PPP2R1B: variants seen among roughly 807,000 people sequenced by gnomAD.
PPP2R1B encodes the protein serine/threonine-protein phosphatase 2A 65 kDa regulatory subunit A beta isoform.
In PPP2R1B, 58 loss-of-function variants were observed where a neutral mutation model predicts 72.7. The observed-to-expected ratio is 0.80, with a 90% CI of 0.65 to 0.99. PPP2R1B has a LOEUF of 0.99. Ranked by LOEUF, PPP2R1B falls within the 50% of genes least tolerant of loss-of-function variation. PPP2R1B has a pLI of 0.00. For missense variants in PPP2R1B, 695 were observed against 733.6 expected (o/e 0.95, Z 0.61); for synonymous variants, 256 against 264.6 (o/e 0.97, Z 0.32).
At chr11:111,725,081 G>A (rs1461384569), downstream of PPP2R1B, 1 of 152,634 alleles carries the variant, frequency 6.6e-6, no homozygotes, top group African/African-American at 2.4e-5. Context: ...ATTGAGCTTT[G>A]TATATTTGGA....
At chr11:111,743,689 A>C (rs1944604605) in intron 11 of PPP2R1B, among the ~76,000 whole-genome samples, 159 bp from the exon 12 acceptor site, 1 of 152,210 alleles carries the variant, frequency 6.6e-6, no homozygotes, top group South Asian at 2.1e-4. Context: ...GCTCAGCTCC[A>C]ACTCAGTTTC....
chr11:111,754,441 TGA>T, intron 8 of PPP2R1B, 56 bp downstream of exon 8: 1 of 1,553,460 alleles, frequency 6.4e-7, no homozygotes, highest in Non-Finnish European at 8.6e-7. Context: ...ACAAAAATAA[TGA>T]GATTAAGGTT....
chr11:111,740,080 T>C lies in PPP2R1B; in HGVS notation c.*1516A>G. ...CAGGACTTGTTAGATTTAAAAGAGG[T>C]TGTGAACAAAATCAACAATTCAAAA... On this transcript the variant is annotated 3_prime_UTR_variant, in exon 15 of 15. Transcript: ENST00000527614. 1.0e-6 allele frequency: 1 copy of C among 985,276 alleles called. No homozygotes were observed. Among genetic ancestry groups the C allele is most frequent in the Non-Finnish European group, 1.2e-6 (1 of 829,890 alleles). The allele number at this position is 985,276 out of a possible 1,614,324, so 61.0% of individuals were successfully genotyped here. A position where few individuals can be genotyped will look rare whatever the true frequency, so the allele number is the denominator to read the frequency against.
At chr11:111,709,921 C>T in the PPP2R1B span, among the ~76,000 whole-genome samples, 4 of 152,192 alleles carry the variant, frequency 2.6e-5, no homozygotes, top group African/African-American at 9.6e-5. Flanking sequence ...CCATTTAAAG[C>T]GTCCGAGCTA....
Position 111,754,843 on chromosome 11 carries a change from G to A in PPP2R1B, c.958+137C>T, listed in dbSNP as rs555202846. The A allele has an allele frequency of 4.7e-5, 41 of 869,908 alleles. No homozygotes were observed. In the East Asian group the frequency reaches 9.7e-4, roughly 21 times the overall value. 53.9% of individuals were successfully genotyped at this position (869,908 alleles called of 1,614,324 possible). A position where few individuals can be genotyped will look rare whatever the true frequency, so the allele number is the denominator to read the frequency against. The stretch of plus-strand genomic sequence containing the variant: ...AAAGAGACTATCTTTAAGTGACAAT[G>A]TAACATTTCCACACACTAAAAACAT... On this transcript the variant is annotated intron_variant, in intron 7 of 14. Transcript: ENST00000527614.
the PPP2R1B span, among the ~76,000 whole-genome samples, chr11:111,720,216 G>A: frequency 0.063 from 9,659 of 152,222 alleles, 421 homozygotes; most frequent in Middle Eastern, 0.14. Flanking sequence ...TAGTCCCCAG[G>A]ATTCATCTGG....
At chr11:111,718,850 A>G in the PPP2R1B span, 4 of 152,150 alleles carry the variant, frequency 2.6e-5, no homozygotes, top group African/African-American at 9.7e-5. Flanking sequence ...TCCACGGGGG[A>G]ATAGTTAAGG....
rs2136086400 is a variant in PPP2R1B at position 111,755,011 on chromosome 11, T to G, written c.927A>C (p.Glu309Asp). The change falls in exon 7 of 15, where the codon GAA (glutamate) becomes GAC (aspartate). Residue 309 changes from glutamate to aspartate, a missense_variant. Physicochemically the swap from Glu to Asp is conservative, Grantham distance 45. Coordinates refer to ENST00000527614, the MANE Select transcript of PPP2R1B (RefSeq NM_002716.5). ...FQNLLKDCEA[E>D]VRAAAAHKVK... ...CTTTGTGGGCAGCAGCTGCCCGGAC[T>G]TCAGCTTCACAGTCTTTAAGTAGGT... The G allele has an allele frequency of 6.2e-7, 1 of 1,613,970 alleles. No homozygotes were observed. The highest frequency in any genetic ancestry group is 8.5e-7 in the Non-Finnish European group (1 of 1,179,834).
rs181444629 is a variant in PPP2R1B at position 111,756,798 on chromosome 11, A to G, written c.688-1348T>C. Among the ~76,000 whole-genome samples the G allele has an allele frequency of 7.3e-3, 1,118 of 152,312 alleles. 8 individuals carry two copies. The highest frequency in any genetic ancestry group is 0.054 in the Middle Eastern group (16 of 294). ...TCAACGTGACACCTACGTCCTTTGA[A>G]CAAGTGGAAAATATACAAGACAAAT... On this transcript the variant is annotated intron_variant, in intron 5 of 14. Transcript: ENST00000527614.
At chr11:111,712,379 C>T in the PPP2R1B span, 2 of 1,611,938 alleles carry the variant, frequency 1.2e-6, no homozygotes, top group East Asian at 2.2e-5. Context: ...TCCAAAGGTA[C>T]GGCTATGTTT....
At chr11:111,737,435 T>C, downstream of PPP2R1B, 1 of 1,614,218 alleles carries the variant, frequency 6.2e-7, no homozygotes, top group Admixed American at 1.7e-5. Context: ...ACCCCAGGCT[T>C]CCGGGCACTT....
At chr11:111,696,631 A>T in the PPP2R1B span, among the ~76,000 whole-genome samples, 1 of 152,218 alleles carries the variant, frequency 6.6e-6, no homozygotes, top group Non-Finnish European at 1.5e-5. Context: ...GCTGGATCTG[A>T]GTCTGGTAGA....
At chr11:111,704,710 G>A in the PPP2R1B span, among the ~76,000 whole-genome samples, 1 of 152,126 alleles carries the variant, frequency 6.6e-6, no homozygotes, top group African/African-American at 2.4e-5. Context: ...GACAATGATG[G>A]CATTTTCTCT....
rs1210892249 is a variant in PPP2R1B, at chr11:111,759,886, C to CTT, written c.604_605insAA (p.Gly202GlufsTer10). On this transcript the variant is annotated frameshift_variant, in exon 5 of 15. Coordinates refer to ENST00000527614, the MANE Select transcript of PPP2R1B (RefSeq NM_002716.5). LOFTEE classifies it high-confidence loss of function. Reference sequence around the variant, plus strand: ...TAATTCCAAAACTTTTGCAAATTCACCCAATTTGGAAGCAGCAGCACGTCG... The same window carrying CTT: ...TAATTCCAAAACTTTTGCAAATTCACTTCCAATTTGGAAGCAGCAGCACGTCG... 11 of 1,613,992 alleles carry CTT rather than the reference C, an allele frequency of 6.8e-6. No homozygotes were observed. In the African/African-American group the frequency reaches 1.5e-4, roughly 22 times the overall value.
chr11:111,698,264 G>A, the PPP2R1B span, among the ~76,000 whole-genome samples: 3 of 152,214 alleles, frequency 2.0e-5, no homozygotes, highest in Non-Finnish European at 2.9e-5. Flanking sequence ...GCTACCACGG[G>A]TCCAGAGAAG....
intron 1 of PPP2R1B, chr11:111,765,929 G>A (rs1311303710): frequency 3.9e-6 from 2 of 519,100 alleles, no homozygotes; most frequent in Non-Finnish European, 7.5e-6. Context: ...CTGCTCCCTC[G>A]CCCAAGAGAC....
the PPP2R1B span, chr11:111,703,272 A>G: frequency 1.2e-6 from 2 of 1,614,194 alleles, no homozygotes; most frequent in East Asian, 2.2e-5. Flanking sequence ...GCCCAAATCA[A>G]GGAGCATAAA....
At chr11:111,762,251 T>C (rs1268251048) in intron 3 of PPP2R1B, among the ~76,000 whole-genome samples, 1 of 152,150 alleles carries the variant, frequency 6.6e-6, no homozygotes, top group Non-Finnish European at 1.5e-5. Flanking sequence ...AAGAAGTGTG[T>C]CTAATAATAT....
rs1944390787 is a variant in PPP2R1B, at chr11:111,738,039, G to A, written c.*3557C>T. The A allele has an allele frequency of 9.9e-7, 1 of 1,010,066 alleles. No homozygotes were observed. Among genetic ancestry groups the A allele is most frequent in the African/African-American group, 1.7e-5 (1 of 58,504 alleles). 62.6% of individuals were successfully genotyped at this position (1,010,066 alleles called of 1,614,324 possible). ...ACAGCAGGCTCGTGGAGGCAAACGG[G>A]GGACAGTGAGACTATTCTAGGTACA... On this transcript the variant is annotated 3_prime_UTR_variant, in exon 15 of 15. Coordinates refer to ENST00000527614, the MANE Select transcript of PPP2R1B (RefSeq NM_002716.5).
Sources: allele counts gnomAD v4.1 joint callset (sites outside exome capture counted in the v4.1 genomes callset), GRCh38; gene constraint gnomAD v4.1.1; transcripts MANE v1.5; gene names NCBI Gene and HGNC (gene_info 2026-07-23, HGNC 2026-07-21).